The following SKIL variants were observed in gnomAD, a reference collection of about 807,000 sequenced individuals.
SKIL encodes the protein ski-like protein.
SKIL carries 20 observed loss-of-function variants against 69.6 expected under a neutral mutation model. That is an observed-to-expected ratio of 0.29 (90% CI 0.20 to 0.42). The LOEUF (loss-of-function observed/expected upper bound fraction) is 0.42. Among genes scored for constraint, SKIL ranks in the 10% least tolerant of loss-of-function variants. The probability of loss-of-function intolerance (pLI) is 1.00; values close to 1 mark genes in which losing one functional copy is unlikely to be tolerated. For missense variants in SKIL, 745 were observed against 783.1 expected, an observed-to-expected ratio of 0.95 and a Z score of 0.58; for synonymous variants, 310 against 279.9, an observed-to-expected ratio of 1.11 and a Z score of -1.08.
In SKIL at chr3:170,360,734, C is replaced by T. The variant is rs1736183728; in HGVS notation, c.403C>T (p.Leu135Phe). 1 of 1,614,062 alleles carries T rather than the reference C, an allele frequency of 6.2e-7. No homozygotes were observed. Among genetic ancestry groups the T allele is most frequent in the Non-Finnish European group, 8.5e-7 (1 of 1,180,036 alleles). Reference protein sequence around the residue: ...PSPQVLPGPLLIPSDSSTELT... With the variant: ...PSPQVLPGPLFIPSDSSTELT... Reference sequence around the variant, plus strand: ...ACCTCAGGTTCTTCCTGGCCCATTGCTCATCCCTTCAGATAGCTCCACAGA... The same window carrying T: ...ACCTCAGGTTCTTCCTGGCCCATTGTTCATCCCTTCAGATAGCTCCACAGA... The change falls in exon 2 of 7, where the codon CTC becomes TTC. Residue 135 changes from leucine (L) to phenylalanine (F), a missense_variant. Coordinates refer to ENST00000259119, the MANE Select transcript of SKIL (RefSeq NM_005414.5).
intron 2 of SKIL, among the ~76,000 whole-genome samples, chr3:170,378,485 A>G (rs1460282085): frequency 1.3e-5 from 2 of 151,246 alleles, no homozygotes; most frequent in Non-Finnish European, 2.9e-5. Context: ...GAATATTGGG[A>G]CATCAGGCAA....
At position 170,393,928 on chromosome 3, in the gene SKIL, T is replaced by A. The variant is rs745502176; in HGVS notation, c.*1511T>A. ...TTAACCAGTTATTTTCATATTTTGCTTAATAGTACATATCCAAAAAGAATT... is the reference window on the plus strand; with the variant it reads ...TTAACCAGTTATTTTCATATTTTGCATAATAGTACATATCCAAAAAGAATT... On this transcript the variant is annotated 3_prime_UTR_variant, in exon 7 of 7. Transcript: ENST00000259119. The A allele has an allele frequency of 1.1e-4, 17 of 152,204 alleles. No individual in the cohort carries two copies. The Middle Eastern group carries it at 0.01, about 91-fold the overall frequency. 9.4% of individuals were successfully genotyped at this position (152,204 alleles called of 1,614,324 possible). A position where few individuals can be genotyped will look rare whatever the true frequency, so the allele number is the denominator to read the frequency against.
chr3:170,381,409 A>G (rs945126669), intron 3 of SKIL, 68 bp downstream of exon 3: 7 of 781,890 alleles, frequency 9.0e-6, no homozygotes, highest in African/African-American at 1.7e-5. Flanking sequence ...GCCATGCACT[A>G]TTCTAGGACA....
At chr3:170,378,385 T>C (rs1737142846) in intron 2 of SKIL, among the ~76,000 whole-genome samples, 1 of 152,164 alleles carries the variant, frequency 6.6e-6, no homozygotes, top group Non-Finnish European at 1.5e-5. Flanking sequence ...AAACCAGAGT[T>C]TGGATAGTTT....
chr3:170,390,612 G>A (rs776090789), intron 5 of SKIL, 148 bp downstream of exon 5: 3 of 652,844 alleles, frequency 4.6e-6, no homozygotes, highest in South Asian at 4.0e-5. Flanking sequence ...TTAGCCTTCC[G>A]AGTAGCTAGC....
intron 3 of SKIL, among the ~76,000 whole-genome samples, chr3:170,383,101 A>G (rs1737445788): frequency 6.6e-6 from 1 of 152,168 alleles, no homozygotes; most frequent in East Asian, 1.9e-4. Context: ...TCAGAGTTTT[A>G]CTGTTTCAAT....
In SKIL at chr3:170,390,162, CT is replaced by C; in HGVS notation, c.1430-60del. On this transcript the variant is annotated intron_variant, in intron 4 of 6. Coordinates refer to ENST00000259119, the MANE Select transcript of SKIL (RefSeq NM_005414.5). ...TTAAAAATTACATTTATGGATTGTTCTAGTGATTTTTTTAATGGAGTGATAT... is the reference window on the plus strand; with the variant it reads ...TTAAAAATTACATTTATGGATTGTTCAGTGATTTTTTTAATGGAGTGATAT... 6.0e-6 allele frequency: 7 copies of C among 1,167,334 alleles called. No individual in the cohort carries two copies. The Admixed American group carries it at 1.4e-4, about 23-fold the overall frequency. 72.3% of individuals were successfully genotyped at this position (1,167,334 alleles called of 1,614,324 possible). A position where few individuals can be genotyped will look rare whatever the true frequency, so the allele number is the denominator to read the frequency against.
intron 2 of SKIL, among the ~76,000 whole-genome samples, chr3:170,364,192 A>G (rs1445315350): frequency 1.3e-5 from 2 of 151,934 alleles, no homozygotes; most frequent in African/African-American, 2.4e-5. Context: ...AGCTCAGGCA[A>G]TGCGCCTGTC....
At position 170,388,860 on chromosome 3, in the gene SKIL, G is replaced by T. The variant is rs200368175; in HGVS notation, c.1430-1363G>T. ...CCAATTCCAAGAAATATTTATTTAT[G>T]TATTTATTTATTTATTTATTTATTT... On this transcript the variant is annotated intron_variant, in intron 4 of 6. Transcript: ENST00000259119. Among the ~76,000 whole-genome samples, 908 of 112,098 alleles carry T rather than the reference G, an allele frequency of 8.1e-3. 6 individuals carry two copies. Among genetic ancestry groups the T allele is most frequent in the Middle Eastern group, 0.027 (5 of 188 alleles). 73.5% of individuals were successfully genotyped at this position (112,098 alleles called of 152,430 possible).
intron 4 of SKIL, among the ~76,000 whole-genome samples, chr3:170,389,961 CTA>C (rs1296095090): frequency 6.6e-6 from 1 of 152,174 alleles, no homozygotes; most frequent in African/African-American, 2.4e-5. Context: ...AATTTGGAGA[CTA>C]TTACTGTCTT....
chr3:170,373,365 G>A (rs1736879406), intron 2 of SKIL, among the ~76,000 whole-genome samples: 1 of 152,014 alleles, frequency 6.6e-6, no homozygotes, highest in Admixed American at 6.6e-5. Flanking sequence ...TTTTAGTAGA[G>A]ACAGGGTTTC....
At position 170,392,284 on chromosome 3, in the gene SKIL, A is replaced by G; in HGVS notation, c.1922A>G (p.Asp641Gly). The change falls in exon 7 of 7, where the codon GAC becomes GGC. Residue 641 changes from aspartate to glycine, a missense_variant. By Grantham distance (94) the Asp-to-Gly change is moderately conservative. Coordinates refer to ENST00000259119, the MANE Select transcript of SKIL (RefSeq NM_005414.5). ...TTGGCAGAACTGAGGCAGAGATTGG[A>G]CCATGCTGAGGCCGATAGGCAAGAA... is the stretch of plus-strand genomic sequence containing the variant. The part of the protein sequence containing the change: ...GQLAELRQRL[D>G]HAEADRQELQ... 1 of 1,612,118 alleles carries G rather than the reference A, an allele frequency of 6.2e-7. No individual in the cohort carries two copies. The highest frequency in any genetic ancestry group is 8.5e-7 in the Non-Finnish European group (1 of 1,179,034).
chr3:170,387,823 A>G (rs1737721797), intron 4 of SKIL, among the ~76,000 whole-genome samples: 1 of 139,602 alleles, frequency 7.2e-6, no homozygotes, highest in African/African-American at 2.6e-5. Context: ...AGTCCCAGCT[A>G]CTTGGGAGGC....
At position 170,393,701 on chromosome 3, in the gene SKIL, T is replaced by G. The variant is rs1738040792; in HGVS notation, c.*1284T>G. ...GTTTTTAAAGGGAGTTTCCTGAAAC[T>G]ATCATTAATTGACATTATTACCCCA... On this transcript the variant is annotated 3_prime_UTR_variant, in exon 7 of 7. Coordinates refer to ENST00000259119, the MANE Select transcript of SKIL (RefSeq NM_005414.5). The G allele has an allele frequency of 6.6e-6, 1 of 152,196 alleles. No individual in the cohort carries two copies. The highest frequency in any genetic ancestry group is 2.1e-4 in the South Asian group (1 of 4,836). The allele number at this position is 152,196 out of a possible 1,614,324, so 9.4% of individuals were successfully genotyped here.
Position 170,360,985 on chromosome 3 carries a change from T to C in SKIL, c.654T>C (p.Cys218=). ...LGILPFNAPS[C]GLITLTDAQR... ...TACTTCCATTCAATGCCCCATCCTG[T>C]GGGCTGATTACATTAACTGATGCAC... is the stretch of plus-strand genomic sequence containing the variant. The change falls in exon 2 of 7, where the codon TGT becomes TGC. Residue 218 remains cysteine, a synonymous_variant. Transcript: ENST00000259119. The C allele has an allele frequency of 6.2e-7, 1 of 1,614,234 alleles. No homozygotes were observed. Among genetic ancestry groups the C allele is most frequent in the Non-Finnish European group, 8.5e-7 (1 of 1,180,030 alleles).
Position 170,361,335 on chromosome 3 carries a change from A to G in SKIL, c.1004A>G (p.Tyr335Cys). 1 of 1,613,332 alleles carries G rather than the reference A, an allele frequency of 6.2e-7. No individual in the cohort carries two copies. Among genetic ancestry groups the G allele is most frequent in the Non-Finnish European group, 8.5e-7 (1 of 1,179,778 alleles). ...WHCYLHVNQKYLGTPEEKKLK... is the reference protein window; with the variant it reads ...WHCYLHVNQKCLGTPEEKKLK... ...TGCTATCTTCATGTGAACCAAAAATACTTAGGAACACCTGAAGAAAAGAAA... is the reference window on the plus strand; with the variant it reads ...TGCTATCTTCATGTGAACCAAAAATGCTTAGGAACACCTGAAGAAAAGAAA... Residue 335 changes from tyrosine (Y) to cysteine (C), a missense_variant, in exon 2 of 7, where the codon TAC (tyrosine) becomes TGC (cysteine). Transcript: ENST00000259119.
chr3:170,358,327 G>A (rs1736043878), intron 1 of SKIL, among the ~76,000 whole-genome samples: 1 of 151,940 alleles, frequency 6.6e-6, no homozygotes, highest in Non-Finnish European at 1.5e-5. Flanking sequence ...CCGCGGGGGG[G>A]CGGTGTTGGG....
Position 170,384,642 on chromosome 3 carries a change from A to G in SKIL, c.1306A>G (p.Arg436Gly). The G allele has an allele frequency of 6.2e-7, 1 of 1,611,650 alleles. No individual in the cohort carries two copies. Among genetic ancestry groups the G allele is most frequent in the Non-Finnish European group, 8.5e-7 (1 of 1,177,704 alleles). The change falls in exon 4 of 7, where the codon AGA becomes GGA. Residue 436 changes from arginine to glycine, a missense_variant. Physicochemically the swap from Arg to Gly is moderately radical, Grantham distance 125. Transcript: ENST00000259119. ...TKTEASKSIS[R>G]QSEKAHSSGK... is the part of the protein sequence containing the mutation. Reference sequence around the variant, plus strand: ...GACAGAGGCAAGTAAGTCCATATCAAGACAGTCAGAGAAGGCTCACAGTAG... The same window carrying G: ...GACAGAGGCAAGTAAGTCCATATCAGGACAGTCAGAGAAGGCTCACAGTAG...
At position 170,396,595 on chromosome 3, in the gene SKIL, C is replaced by G. The variant is rs1172247157; in HGVS notation, c.*4178C>G. On this transcript the variant is annotated 3_prime_UTR_variant, in exon 7 of 7. Transcript: ENST00000259119. ...CTGTGGTTGGTTGCATTACATGACA[C>G]AGAAAACTGTCCTCTACCTCACGTG... is the stretch of plus-strand genomic sequence containing the variant. The G allele has an allele frequency of 1.1e-4, 17 of 152,158 alleles. No homozygotes were observed. 9.4% of individuals were successfully genotyped at this position (152,158 alleles called of 1,614,324 possible).
Sources: allele counts gnomAD v4.1 joint callset (sites outside exome capture counted in the v4.1 genomes callset), GRCh38; gene constraint gnomAD v4.1.1; transcripts MANE v1.5; gene names NCBI Gene and HGNC (gene_info 2026-07-23, HGNC 2026-07-21).